The following TNFRSF8 variants were observed in gnomAD, a reference collection of about 807,000 sequenced individuals.
TNFRSF8 encodes tumor necrosis factor receptor superfamily member 8.
A neutral mutation model predicts 70.8 loss-of-function variants in TNFRSF8; 26 were observed. The ratio of observed to expected loss-of-function variants is 0.37; its 90% CI spans 0.27 to 0.51. The LOEUF is 0.51. TNFRSF8 is among the 20% of genes least tolerant of loss of function. TNFRSF8 has a pLI of 0.94. For missense variants in TNFRSF8, 720 were observed against 807.9 expected (o/e 0.89, Z 1.32); for synonymous variants, 356 against 339.2 (o/e 1.05, Z -0.54).
chr1:12,142,464 A>G lies in TNFRSF8; in HGVS notation c.1721A>G (p.Asp574Gly). ...GAACCGCCTCTGGGCAGCTGCAGCG[A>G]TGTCATGCTCTCAGTGGAAGAGGAA... Reference protein sequence around the residue: ...ETEPPLGSCSDVMLSVEEEGK... With the variant: ...ETEPPLGSCSGVMLSVEEEGK... The change falls in exon 15 of 15, where the codon GAT becomes GGT. Residue 574 changes from aspartate to glycine, a missense_variant. Physicochemically the swap from Asp to Gly is moderately conservative, Grantham distance 94. Coordinates refer to ENST00000263932, the MANE Select transcript of TNFRSF8 (RefSeq NM_001243.5). The surrounding 1 kb of genome is among the most constrained non-coding windows in gnomAD (Gnocchi z 5.0). 6.2e-7 allele frequency: 1 copy of G among 1,610,856 alleles called. No individual in the cohort carries two copies. The highest frequency in any genetic ancestry group is 8.5e-7 in the Non-Finnish European group (1 of 1,178,770).
rs1384361520 is a variant in TNFRSF8 at position 12,141,674 on chromosome 1, G to A, written c.1544-613G>A. Among the ~76,000 whole-genome samples, 3 of 152,246 alleles carry A rather than the reference G, an allele frequency of 2.0e-5. No individual in the cohort carries two copies. Among genetic ancestry groups the A allele is most frequent in the Admixed American group, 2.0e-4 (3 of 15,284 alleles). On this transcript the variant is annotated intron_variant, in intron 14 of 14. Coordinates refer to ENST00000263932, the MANE Select transcript of TNFRSF8 (RefSeq NM_001243.5). The surrounding 1 kb of genome is among the most constrained non-coding windows in gnomAD (Gnocchi z 5.4). The stretch of plus-strand genomic sequence containing the variant: ...CTCCCAGGACACGGGACTTGCAGTA[G>A]TAGAACCAGGAATGTTCCCGGGCAA...
intron 1 of TNFRSF8, among the ~76,000 whole-genome samples, chr1:12,071,304 C>T (rs987888754): frequency 4.6e-5 from 7 of 151,966 alleles, no homozygotes; most frequent in South Asian, 4.2e-4. Flanking sequence ...CCAGGTGTGG[C>T]GGTGTGTGCC....
rs199941905 is a variant in TNFRSF8 at position 12,108,074 on chromosome 1, A to ATTTTTTTTTT, written c.422-1485_422-1484insTTTTTTTTTT. ...CGAAGTCCCACACATACAGGCCACC[A>ATTTTTTTTTT]TTTTTTTATTTTTTTTTTTTTTGTG... On this transcript the variant is annotated intron_variant, in intron 4 of 14. Transcript: ENST00000263932. This position sits in a 1 kb window ranked among gnomAD's most constrained non-coding sequence, Gnocchi z 4.0. Among the ~76,000 whole-genome samples, 65 of 146,186 alleles carry ATTTTTTTTTT rather than the reference A, an allele frequency of 4.4e-4. No homozygotes were observed. The highest frequency in any genetic ancestry group is 6.3e-4 in the Non-Finnish European group (42 of 66,420).
In TNFRSF8 at chr1:12,130,155, G is replaced by A. The variant is rs143948939; in HGVS notation, c.1309+3919G>A. ...ACTCCTGGCCTCAAGTGGTCCTCCCGCCTCGGCCTCCCAAAGTTCAGGGAT... is the reference window on the plus strand; with the variant it reads ...ACTCCTGGCCTCAAGTGGTCCTCCCACCTCGGCCTCCCAAAGTTCAGGGAT... On this transcript the variant is annotated intron_variant, in intron 12 of 14. Coordinates refer to ENST00000263932, the MANE Select transcript of TNFRSF8 (RefSeq NM_001243.5). Among the ~76,000 whole-genome samples the A allele has an allele frequency of 4.3e-3, 654 of 152,246 alleles. 5 individuals carry two copies. Among genetic ancestry groups the A allele is most frequent in the African/African-American group, 0.015 (624 of 41,536 alleles).
chr1:12,085,024 C>G (rs1364129183), intron 2 of TNFRSF8, among the ~76,000 whole-genome samples: 1 of 152,200 alleles, frequency 6.6e-6, no homozygotes, highest in African/African-American at 2.4e-5. Context: ...TCAGAGACCT[C>G]AAAGCCTGGG....
At chr1:12,090,809 C>A (rs1641236131) in intron 2 of TNFRSF8, among the ~76,000 whole-genome samples, 1 of 152,114 alleles carries the variant, frequency 6.6e-6, no homozygotes, top group Admixed American at 6.6e-5. Flanking sequence ...AGTTTGAATT[C>A]CCCCAGAAGT....
chr1:12,100,661 A>G (rs1641406660), intron 3 of TNFRSF8, among the ~76,000 whole-genome samples: 1 of 152,122 alleles, frequency 6.6e-6, no homozygotes. Context: ...TCCTCCTCCA[A>G]ATCTTGTCCC....
At chr1:12,118,253 GGC>G (rs1180244221) in intron 8 of TNFRSF8, among the ~76,000 whole-genome samples, 7 of 152,092 alleles carry the variant, frequency 4.6e-5, no homozygotes, top group Non-Finnish European at 1.5e-5. Context: ...TGGGATTACA[GGC>G]GTGCACCACC....
chr1:12,097,136 A>G lies in TNFRSF8; in HGVS notation c.187A>G (p.Thr63Ala), dbSNP rs748134808. The G allele has an allele frequency of 6.2e-7, 1 of 1,614,064 alleles. No individual in the cohort carries two copies. Among genetic ancestry groups the G allele is most frequent in the South Asian group, 1.1e-5 (1 of 91,072 alleles). The change falls in exon 3 of 15, where the codon ACT becomes GCT. Residue 63 changes from threonine (T) to alanine (A), a missense_variant. Physicochemically the swap from Thr to Ala is moderately conservative, Grantham distance 58. Transcript: ENST00000263932. The stretch of plus-strand genomic sequence containing the variant: ...GACACAGCAGTGCCCACAGAGGCCT[A>G]CTGACTGCAGGAAGCAGTGTGAGCC... ...FPTQQCPQRP[T>A]DCRKQCEPDY... is the part of the protein sequence containing the mutation.
intron 12 of TNFRSF8, among the ~76,000 whole-genome samples, chr1:12,130,123 G>T (rs1348435277): frequency 6.6e-6 from 1 of 152,180 alleles, no homozygotes; most frequent in East Asian, 1.9e-4. Context: ...GGCCAGGCTG[G>T]TCTCGAACTC....
chr1:12,120,094 T>C (rs970547842), intron 8 of TNFRSF8, among the ~76,000 whole-genome samples: 1 of 152,050 alleles, frequency 6.6e-6, no homozygotes, highest in Non-Finnish European at 1.5e-5. Flanking sequence ...ACAATCAAGT[T>C]TGAAGGCAGC....
chr1:12,128,221 C>A (rs1570072073), intron 12 of TNFRSF8, among the ~76,000 whole-genome samples: 1 of 152,368 alleles, frequency 6.6e-6, no homozygotes, highest in South Asian at 2.1e-4. Flanking sequence ...AGAAGCTGTT[C>A]TAGCTCCCTC....
Position 12,109,779 on chromosome 1 carries a change from G to C in TNFRSF8, c.512+123G>C. On this transcript the variant is annotated intron_variant, in intron 5 of 14. Transcript: ENST00000263932. The surrounding 1 kb of genome is among the most constrained non-coding windows in gnomAD (Gnocchi z 4.4). ...GTGTAAGCGGGATTCAGCCCATGGT[G>C]TCAGCACTTTGGGGTGCCTCTCTGC... The C allele has an allele frequency of 1.1e-6, 1 of 918,868 alleles. No homozygotes were observed. The highest frequency in any genetic ancestry group is 1.7e-6 in the Non-Finnish European group (1 of 595,406). The allele number at this position is 918,868 out of a possible 1,614,324, so 56.9% of individuals were successfully genotyped here.
At chr1:12,122,972 G>GT (rs549351308) in intron 8 of TNFRSF8, among the ~76,000 whole-genome samples, 244 of 152,194 alleles carry the variant, frequency 1.6e-3, no homozygotes, top group African/African-American at 5.5e-3. Flanking sequence ...AGGATTACAG[G>GT]TGTGTGCCAT....
In TNFRSF8 at chr1:12,115,578, T is replaced by C. The variant is rs755711631; in HGVS notation, c.795T>C (p.Asp265=). ...RCTACVSCSR[D]DLVEKTPCAW... ...GTGATCCTCATCTGTGTCCCTTAGA[T>C]GACCTTGTGGAGAAGACGCCATGTG... The change falls in exon 8 of 15, where the codon GAT becomes GAC. Residue 265 remains aspartate, a splice_region_variant and synonymous_variant. Transcript: ENST00000263932. 1.2e-6 allele frequency: 2 copies of C among 1,614,212 alleles called. No individual in the cohort carries two copies. The highest frequency in any genetic ancestry group is 8.5e-7 in the Non-Finnish European group (1 of 1,180,036).
Position 12,126,148 on chromosome 1 carries a change from C to T in TNFRSF8, c.1256-35C>T, listed in dbSNP as rs151141150. 6.8e-3 allele frequency: 11,051 copies of T among 1,613,998 alleles called. 55 individuals are homozygous for T. Among genetic ancestry groups the T allele is most frequent in the Non-Finnish European group, 7.1e-3 (8,417 of 1,179,894 alleles). On this transcript the variant is annotated intron_variant, in intron 11 of 14. Coordinates refer to ENST00000263932, the MANE Select transcript of TNFRSF8 (RefSeq NM_001243.5). Reference sequence around the variant, plus strand: ...CCTGCCTGCTCCTGCTCTCTGAGGCCGCCACCCCCAGCCTTCCTCCTGGTG... The same window carrying T: ...CCTGCCTGCTCCTGCTCTCTGAGGCTGCCACCCCCAGCCTTCCTCCTGGTG...
At chr1:12,140,391 T>G (rs1642229801) in intron 14 of TNFRSF8, among the ~76,000 whole-genome samples, 1 of 152,134 alleles carries the variant, frequency 6.6e-6, no homozygotes, top group South Asian at 2.1e-4. Flanking sequence ...TCGTCCCTCT[T>G]CCCCTGGGAA....
chr1:12,071,334 G>A (rs553269966), intron 1 of TNFRSF8, among the ~76,000 whole-genome samples: 6 of 152,234 alleles, frequency 3.9e-5, no homozygotes, highest in African/African-American at 1.2e-4. Context: ...AGCTACTCGC[G>A]AGGTTGAAGC....
chr1:12,118,289 T>C (rs1641770408), intron 8 of TNFRSF8, among the ~76,000 whole-genome samples: 1 of 152,136 alleles, frequency 6.6e-6, no homozygotes, highest in Admixed American at 6.5e-5. Context: ...TTTTGTATTT[T>C]TAGTAGAGAC....
Sources: allele counts gnomAD v4.1 joint callset (sites outside exome capture counted in the v4.1 genomes callset), GRCh38; gene constraint gnomAD v4.1.1; non-coding constraint Gnocchi (gnomAD v3.1); transcripts MANE v1.5; gene names NCBI Gene and HGNC (gene_info 2026-07-23, HGNC 2026-07-21).